The following KCNQ5 variants were observed in gnomAD, a reference collection of about 807,000 sequenced individuals.
KCNQ5 encodes potassium voltage-gated channel subfamily KQT member 5.
In KCNQ5, 30 loss-of-function variants were observed where a neutral mutation model predicts 98.2. The observed-to-expected ratio is 0.31, with a 90% CI of 0.23 to 0.41. The LOEUF is 0.41. KCNQ5 is among the 10% of genes least tolerant of loss of function. The pLI is 1.00. For synonymous variants in KCNQ5, 458 were observed against 449.4 expected, an observed-to-expected ratio of 1.02 and a Z score of -0.24; for missense variants, 835 against 1,182.5, an observed-to-expected ratio of 0.71 and a Z score of 4.31.
At chr6:72,635,667 C>G (rs1290510756) in intron 1 of KCNQ5, among the ~76,000 whole-genome samples, 1 of 136,344 alleles carries the variant, frequency 7.3e-6, no homozygotes, top group Non-Finnish European at 1.6e-5. Context: ...TAAATTGCTC[C>G]TAGTTTTTTT....
At chr6:72,719,837 TACTC>T (rs1769852298) in intron 1 of KCNQ5, among the ~76,000 whole-genome samples, 1 of 152,180 alleles carries the variant, frequency 6.6e-6, no homozygotes. Context: ...CTGAGGCACT[TACTC>T]AGGGACTGAC....
At chr6:72,859,779 AG>A (rs1298650002) in intron 1 of KCNQ5, among the ~76,000 whole-genome samples, 1 of 151,962 alleles carries the variant, frequency 6.6e-6, no homozygotes, top group African/African-American at 2.4e-5. Context: ...TAGTAGAGAC[AG>A]GGTTTTGCCC....
At chr6:72,631,209 T>C (rs1207404768) in intron 1 of KCNQ5, among the ~76,000 whole-genome samples, 1 of 152,214 alleles carries the variant, frequency 6.6e-6, no homozygotes, top group African/African-American at 2.4e-5. Context: ...AAAATGAGTT[T>C]AGCTTTGGAA....
chr6:72,935,628 A>G (rs948202282), intron 1 of KCNQ5, among the ~76,000 whole-genome samples: 1 of 152,010 alleles, frequency 6.6e-6, no homozygotes, highest in Non-Finnish European at 1.5e-5. Context: ...AAACAAAACA[A>G]ACACCTTGGC....
At chr6:72,855,870 G>T (rs1432477110) in intron 1 of KCNQ5, among the ~76,000 whole-genome samples, 1 of 152,122 alleles carries the variant, frequency 6.6e-6, no homozygotes, top group African/African-American at 2.4e-5. Context: ...CCTGAAATTT[G>T]TCAGTATATC....
chr6:72,867,970 CTAA>C lies in KCNQ5; in HGVS notation c.399-135921_399-135919del, dbSNP rs1210863226. Reference sequence around the variant, plus strand: ...ACTAATACTACTACTACTACTACTACTAATAATAATAATAATAATTGGAGAGTC... The same window carrying C: ...ACTAATACTACTACTACTACTACTACTAATAATAATAATAATTGGAGAGTC... On this transcript the variant is annotated intron_variant, in intron 1 of 13. Coordinates refer to ENST00000370398, the MANE Select transcript of KCNQ5 (RefSeq NM_019842.4). 8.0e-3 allele frequency among the ~76,000 whole-genome samples: 1,169 copies of C among 146,806 alleles called. 13 individuals carry two copies. Among genetic ancestry groups the C allele is most frequent in the African/African-American group, 0.026 (1,028 of 39,976 alleles).
intron 1 of KCNQ5, among the ~76,000 whole-genome samples, chr6:72,623,391 AGTGTGTGT>A (rs1214797915): frequency 7.0e-5 from 10 of 143,042 alleles, no homozygotes; most frequent in Non-Finnish European, 1.1e-4. Context: ...GGAGTCAAAG[AGTGTGTGT>A]GTGTGTGTGT....
chr6:72,970,463 T>G (rs1462182381), intron 1 of KCNQ5, among the ~76,000 whole-genome samples: 1 of 152,158 alleles, frequency 6.6e-6, no homozygotes, highest in Non-Finnish European at 1.5e-5. Flanking sequence ...AATCTGTAAA[T>G]AGAAAAGTGC....
chr6:72,702,418 G>GT (rs559720217), intron 1 of KCNQ5, among the ~76,000 whole-genome samples: 197 of 151,628 alleles, frequency 1.3e-3, no homozygotes, highest in Non-Finnish European at 2.4e-3. Flanking sequence ...GAAATACAAG[G>GT]TTTTTTTTTC....
chr6:72,825,612 T>G (rs1442222791), intron 1 of KCNQ5, among the ~76,000 whole-genome samples: 1 of 152,140 alleles, frequency 6.6e-6, no homozygotes, highest in Non-Finnish European at 1.5e-5. Flanking sequence ...AATAACAGTT[T>G]GGCTTTAGGT....
At chr6:72,996,718 T>C (rs1769318995) in intron 1 of KCNQ5, among the ~76,000 whole-genome samples, 1 of 152,226 alleles carries the variant, frequency 6.6e-6, no homozygotes, top group Non-Finnish European at 1.5e-5. Flanking sequence ...AGATATTTAC[T>C]GTTGGTGATT....
chr6:72,736,993 C>T (rs978358547), intron 1 of KCNQ5, among the ~76,000 whole-genome samples: 6 of 151,756 alleles, frequency 4.0e-5, no homozygotes, highest in African/African-American at 1.2e-4. Context: ...GTCTCACTCA[C>T]TGCGTCGCCC....
chr6:73,116,491 C>G (rs1294688606), intron 7 of KCNQ5, among the ~76,000 whole-genome samples: 1 of 152,042 alleles, frequency 6.6e-6, no homozygotes, highest in Admixed American at 6.6e-5. Context: ...CATAGCGAGA[C>G]CCCACCTCTA....
Position 73,195,261 on chromosome 6 carries a change from G to C in KCNQ5, c.2646G>C (p.Glu882Asp). 6.2e-7 allele frequency: 1 copy of C among 1,614,186 alleles called. No homozygotes were observed. Reference sequence around the variant, plus strand: ...AAGAGGTGGGTCCCGAAGAGACAGAGACAGACACTTTTGATGCCGCACCGC... The same window carrying C: ...AAGAGGTGGGTCCCGAAGAGACAGACACAGACACTTTTGATGCCGCACCGC... Reference protein sequence around the residue: ...TDEEVGPEETETDTFDAAPQP... With the variant: ...TDEEVGPEETDTDTFDAAPQP... Residue 882 changes from glutamate to aspartate, a missense_variant, in exon 14 of 14, where the codon GAG becomes GAC. Physicochemically the swap from Glu to Asp is conservative, Grantham distance 45 (BLOSUM62 2). Transcript: ENST00000370398.
At chr6:73,016,127 G>A (rs574681243) in intron 2 of KCNQ5, among the ~76,000 whole-genome samples, 2 of 152,054 alleles carry the variant, frequency 1.3e-5, no homozygotes, top group South Asian at 4.2e-4. Flanking sequence ...ACAAATAAAA[G>A]GAAAGCAAGA....
At chr6:73,025,623 C>CAAA (rs58607159) in intron 2 of KCNQ5, among the ~76,000 whole-genome samples, 18 of 52,998 alleles carry the variant, frequency 3.4e-4, no homozygotes, top group Admixed American at 8.9e-4. Context: ...AACTCCATCT[C>CAAA]AAAAAAAAAA....
At chr6:73,100,293 T>C (rs6907117) in intron 5 of KCNQ5, among the ~76,000 whole-genome samples, 145,728 of 152,284 alleles carry the variant, frequency 0.96, 69,722 homozygotes, top group South Asian at 0.98. Flanking sequence ...AGAGCAAGAG[T>C]AAACCAAACC....
At chr6:72,853,429 C>T (rs1562025548) in intron 1 of KCNQ5, among the ~76,000 whole-genome samples, 1 of 151,974 alleles carries the variant, frequency 6.6e-6, no homozygotes, top group Non-Finnish European at 1.5e-5. Flanking sequence ...CTGAAACTGT[C>T]GCCTCCCAGC....
At chr6:72,702,582 CTG>C (rs1162133286) in intron 1 of KCNQ5, among the ~76,000 whole-genome samples, 2 of 152,192 alleles carry the variant, frequency 1.3e-5, no homozygotes, top group Non-Finnish European at 2.9e-5. Context: ...GTTCCACTCT[CTG>C]TGGAAATGCT....
Sources: allele counts gnomAD v4.1 joint callset (sites outside exome capture counted in the v4.1 genomes callset), GRCh38; gene constraint gnomAD v4.1.1; transcripts MANE v1.5; gene names NCBI Gene and HGNC (gene_info 2026-07-23, HGNC 2026-07-21).